Variants in PCDHGA7 observed in about 807,000 individuals in gnomAD.
PCDHGA7 encodes the protein protocadherin gamma-A7.
PCDHGA7 carries 44 observed loss-of-function variants against 58.3 expected under a neutral mutation model. The observed-to-expected ratio is 0.75, with a 90% CI of 0.59 to 0.97. The LOEUF is 0.97. PCDHGA7 is among the 50% of genes least tolerant of loss of function. The probability of loss-of-function intolerance (pLI) is 0.00; values close to 1 mark genes in which losing one functional copy is unlikely to be tolerated. For missense variants in PCDHGA7, 1,266 were observed against 1,188.7 expected, an observed-to-expected ratio of 1.06 and a Z score of -0.96; for synonymous variants, 516 against 504.2, an observed-to-expected ratio of 1.02 and a Z score of -0.31.
intron 1 of PCDHGA7, chr5:141,414,421 A>C (rs1250470349): frequency 6.2e-7 from 1 of 1,613,894 alleles, no homozygotes; most frequent in East Asian, 2.2e-5. Context: ...AGCCCTTGAC[A>C]GGGAACAGGT....
chr5:141,413,441 T>A, intron 1 of PCDHGA7: 1 of 1,614,056 alleles, frequency 6.2e-7, no homozygotes, highest in South Asian at 1.1e-5. Context: ...GGCAGCTTGA[T>A]CACCGCGGGC....
chr5:141,478,364 G>A (rs1382073187), intron 1 of PCDHGA7: 2 of 1,613,660 alleles, frequency 1.2e-6, no homozygotes, highest in African/African-American at 2.7e-5. Flanking sequence ...CGTGCGGGGA[G>A]GCCTGATGTC....
chr5:141,405,141 A>T (rs749502643), intron 1 of PCDHGA7: 4 of 1,613,862 alleles, frequency 2.5e-6, no homozygotes, highest in African/African-American at 1.3e-5. Flanking sequence ...GCTACCAGTG[A>T]TGGGTTGGCT....
At chr5:141,389,462 C>G in intron 1 of PCDHGA7, 1 of 1,613,316 alleles carries the variant, frequency 6.2e-7, no homozygotes, top group East Asian at 2.2e-5. Flanking sequence ...TGCGCGCCTT[C>G]GAACTCACAC....
At chr5:141,444,059 T>C (rs2098415588) in intron 1 of PCDHGA7, among the ~76,000 whole-genome samples, 1 of 150,620 alleles carries the variant, frequency 6.6e-6, no homozygotes, top group Admixed American at 6.6e-5. Flanking sequence ...ATCTTCAATC[T>C]AGATTCTGAT....
At chr5:141,427,934 G>A (rs746648152) in intron 1 of PCDHGA7, 42 of 1,584,338 alleles carry the variant, frequency 2.7e-5, no homozygotes, top group Non-Finnish European at 3.6e-5. Context: ...GCATGTTGGT[G>A]GGCGACCTCA....
intron 1 of PCDHGA7, chr5:141,392,992 C>T (rs1233401263): frequency 1.2e-6 from 2 of 1,613,700 alleles, no homozygotes; most frequent in Non-Finnish European, 8.5e-7. Flanking sequence ...CGGAAGCTGG[C>T]GAAGCACGGA....
rs1399077321 is a variant in PCDHGA7, at chr5:141,474,090, AAAC to A, written c.2425-20708_2425-20706del. Among the ~76,000 whole-genome samples the A allele has an allele frequency of 2.6e-5, 4 of 152,206 alleles. No individual in the cohort carries two copies. In the East Asian group the frequency reaches 5.8e-4, roughly 22 times the overall value. On this transcript the variant is annotated intron_variant, in intron 1 of 3. Coordinates refer to ENST00000518325, the MANE Select transcript of PCDHGA7 (RefSeq NM_018920.4). ...GCCTCAGAAACAAAAACCAAAAAAC[AAAC>A]AACAACAAAAACAACAACAACGAAA...
intron 1 of PCDHGA7, chr5:141,421,454 T>C: frequency 6.2e-7 from 1 of 1,614,132 alleles, no homozygotes; most frequent in Non-Finnish European, 8.5e-7. Flanking sequence ...ACACAGCTTT[T>C]CGCTGTGAAT....
In PCDHGA7 at chr5:141,490,925, C is replaced by T; in HGVS notation, c.2425-3882C>T. 1 of 1,613,688 alleles carries T rather than the reference C, an allele frequency of 6.2e-7. No homozygotes were observed. The highest frequency in any genetic ancestry group is 8.5e-7 in the Non-Finnish European group (1 of 1,179,700). On this transcript the variant is annotated intron_variant, in intron 1 of 3. Coordinates refer to ENST00000518325, the MANE Select transcript of PCDHGA7 (RefSeq NM_018920.4). The surrounding 1 kb of genome is among the most constrained non-coding windows in gnomAD (Gnocchi z 5.4). ...GTCCTAGACGAGAATGATAATGCCC[C>T]AGCTGTGCTGCACCCACGGCCAGAC... is the stretch of plus-strand genomic sequence containing the variant.
chr5:141,497,892 C>T (rs2099780275), intron 2 of PCDHGA7, among the ~76,000 whole-genome samples: 1 of 152,138 alleles, frequency 6.6e-6, no homozygotes, highest in Admixed American at 6.6e-5. Flanking sequence ...AGGATCTAGT[C>T]CAGTAACTTC....
intron 1 of PCDHGA7, among the ~76,000 whole-genome samples, chr5:141,436,491 T>G (rs546883133): frequency 6.6e-6 from 1 of 152,182 alleles, no homozygotes; most frequent in Non-Finnish European, 1.5e-5. Flanking sequence ...GATAGCAGCT[T>G]TGCAATTAGG....
At chr5:141,435,730 T>C (rs913229799) in intron 1 of PCDHGA7, among the ~76,000 whole-genome samples, 1 of 152,226 alleles carries the variant, frequency 6.6e-6, no homozygotes, top group African/African-American at 2.4e-5. Context: ...TAAAGTGTAT[T>C]ACTCTTTGAA....
intron 1 of PCDHGA7, chr5:141,427,307 T>C (rs745903769): frequency 4.4e-6 from 2 of 456,906 alleles, no homozygotes; most frequent in South Asian, 1.5e-5. Flanking sequence ...AGAATGACAA[T>C]GCCCCAGACG....
At chr5:141,390,732 G>T in intron 1 of PCDHGA7, 1 of 194,114 alleles carries the variant, frequency 5.2e-6, no homozygotes, top group Non-Finnish European at 1.1e-5. Context: ...TAACTGGTAT[G>T]GTCTCCATAG....
chr5:141,423,174 C>T (rs1203454000), intron 1 of PCDHGA7: 1 of 1,613,484 alleles, frequency 6.2e-7, no homozygotes, highest in South Asian at 1.1e-5. Flanking sequence ...CCGTCCAGGA[C>T]CACGGCCAGC....
In PCDHGA7 at chr5:141,491,652, G is replaced by A. The variant is rs370043428; in HGVS notation, c.2425-3155G>A. ...AGCAGCCCACAGCTCTGGCGCTGGAGCCTGACGCCATCCGGTCCCGCTCTA... is the reference window on the plus strand; with the variant it reads ...AGCAGCCCACAGCTCTGGCGCTGGAACCTGACGCCATCCGGTCCCGCTCTA... On this transcript the variant is annotated intron_variant, in intron 1 of 3. Transcript: ENST00000518325. This position sits in a 1 kb window ranked among gnomAD's most constrained non-coding sequence, Gnocchi z 6.9. 2 of 1,613,726 alleles carry A rather than the reference G, an allele frequency of 1.2e-6. No homozygotes were observed. Among genetic ancestry groups the A allele is most frequent in the African/African-American group, 1.3e-5 (1 of 74,944 alleles).
chr5:141,399,078 G>C (rs2093750242), intron 1 of PCDHGA7: 1 of 1,613,746 alleles, frequency 6.2e-7, no homozygotes, highest in African/African-American at 1.3e-5. Context: ...TTGTAGAAGG[G>C]AGGGATGGTG....
chr5:141,385,140 G>T lies in PCDHGA7; in HGVS notation c.2241G>T (p.Gln747His). The T allele has an allele frequency of 1.9e-6, 3 of 1,614,190 alleles. No homozygotes were observed. The highest frequency in any genetic ancestry group is 2.5e-6 in the Non-Finnish European group (3 of 1,180,038). Residue 747 changes from glutamine (Q) to histidine (H), a missense_variant, in exon 1 of 4, where the codon CAG (glutamine) becomes CAT (histidine). Transcript: ENST00000518325. Reference protein sequence around the residue: ...TSHFVGMDGVQAFLQTYSHEV... With the variant: ...TSHFVGMDGVHAFLQTYSHEV... Reference sequence around the variant, plus strand: ...ACTTTGTGGGCATGGACGGGGTGCAGGCTTTCCTGCAGACCTATTCCCATG... The same window carrying T: ...ACTTTGTGGGCATGGACGGGGTGCATGCTTTCCTGCAGACCTATTCCCATG...
Sources: allele counts gnomAD v4.1 joint callset (sites outside exome capture counted in the v4.1 genomes callset), GRCh38; gene constraint gnomAD v4.1.1; non-coding constraint Gnocchi (gnomAD v3.1); transcripts MANE v1.5; gene names NCBI Gene and HGNC (gene_info 2026-07-23, HGNC 2026-07-21).